Variants in TBC1D19 observed in about 807,000 individuals in gnomAD.
TBC1D19 encodes the protein TBC1 domain family, member 19.
TBC1D19 carries 60 observed loss-of-function variants against 89.0 expected under a neutral mutation model. The observed-to-expected ratio is 0.67, with a 90% CI of 0.55 to 0.84. TBC1D19 has a LOEUF of 0.84. Among genes scored for constraint, TBC1D19 ranks in the 40% least tolerant of loss-of-function variants. TBC1D19 has a pLI of 0.00. For missense variants in TBC1D19, 500 were observed against 610.8 expected (o/e 0.82, Z 1.91); for synonymous variants, 189 against 199.7 (o/e 0.95, Z 0.45).
the TBC1D19 span, among the ~76,000 whole-genome samples, chr4:26,825,170 C>G: frequency 6.6e-6 from 1 of 151,564 alleles, no homozygotes; most frequent in Non-Finnish European, 1.5e-5. Flanking sequence ...ACAGTCTTGG[C>G]TCACTACAAC....
At chr4:26,734,195 C>G (rs1717828361) in intron 15 of TBC1D19, among the ~76,000 whole-genome samples, 1 of 152,100 alleles carries the variant, frequency 6.6e-6, no homozygotes, top group African/African-American at 2.4e-5. Context: ...CAAATTAAAC[C>G]CATTCAAAAT....
chr4:26,801,966 A>G, the TBC1D19 span, among the ~76,000 whole-genome samples: 2 of 152,194 alleles, frequency 1.3e-5, no homozygotes, highest in Non-Finnish European at 2.9e-5. Flanking sequence ...GATTGGAAAT[A>G]CAGTATTATT....
intron 16 of TBC1D19, among the ~76,000 whole-genome samples, chr4:26,736,021 T>C (rs985224732): frequency 7.0e-6 from 1 of 143,806 alleles, no homozygotes; most frequent in Non-Finnish European, 1.5e-5. Flanking sequence ...AGAAATACCA[T>C]TTGACCCAGC....
chr4:26,823,139 G>A, the TBC1D19 span, among the ~76,000 whole-genome samples: 3 of 152,230 alleles, frequency 2.0e-5, no homozygotes, highest in Non-Finnish European at 4.4e-5. Flanking sequence ...GGAGGAGCAA[G>A]TCACATCTTA....
At chr4:26,632,139 T>A (rs942096303) in intron 4 of TBC1D19, among the ~76,000 whole-genome samples, 1 of 152,114 alleles carries the variant, frequency 6.6e-6, no homozygotes, top group Non-Finnish European at 1.5e-5. Flanking sequence ...CATGTTTGAA[T>A]TTTTAGTAAG....
At chr4:26,843,923 C>G in the TBC1D19 span, among the ~76,000 whole-genome samples, 1 of 152,130 alleles carries the variant, frequency 6.6e-6, no homozygotes, top group Non-Finnish European at 1.5e-5. Context: ...CACTCTCAAA[C>G]AACCAGATCT....
chr4:26,675,011 G>A (rs151162525), intron 11 of TBC1D19, among the ~76,000 whole-genome samples: 9 of 152,098 alleles, frequency 5.9e-5, no homozygotes, highest in East Asian at 5.8e-4. Context: ...AAACAATAAA[G>A]CTTGCAATTT....
At chr4:26,822,215 G>C in the TBC1D19 span, among the ~76,000 whole-genome samples, 2 of 152,198 alleles carry the variant, frequency 1.3e-5, no homozygotes, top group Admixed American at 1.3e-4. Flanking sequence ...CAAAAGCCTG[G>C]CTCTGAAGGG....
chr4:26,586,961 C>A (rs958344726), intron 1 of TBC1D19, among the ~76,000 whole-genome samples: 1 of 152,134 alleles, frequency 6.6e-6, no homozygotes, highest in African/African-American at 2.4e-5. Context: ...ACTTACTGTA[C>A]TGGATAATGC....
intron 11 of TBC1D19, among the ~76,000 whole-genome samples, chr4:26,683,159 T>C (rs1713509292): frequency 6.6e-6 from 1 of 152,218 alleles, no homozygotes; most frequent in South Asian, 2.1e-4. Flanking sequence ...ATAATTTAGA[T>C]ATTAGAAAGG....
chr4:26,584,230 G>A lies in TBC1D19; in HGVS notation c.37G>A (p.Ala13Thr). Residue 13 changes from alanine (A) to threonine (T), a missense_variant, in exon 1 of 21, where the codon GCC becomes ACC. This residue lies in a region of TBC1D19 where 280 missense variants were observed against 291.7 expected (regional missense o/e 0.96). Coordinates refer to ENST00000264866, the MANE Select transcript of TBC1D19 (RefSeq NM_018317.4). ...GGAGTCGGACCTCTCTCTCATTATT[G>A]CCCAGATAGTCCAAAAGCTCAAGGG... is the stretch of plus-strand genomic sequence containing the variant. ...QEESDLSLII[A>T]QIVQKLKGSN... The A allele has an allele frequency of 6.2e-7, 1 of 1,612,860 alleles. No homozygotes were observed. Among genetic ancestry groups the A allele is most frequent in the Non-Finnish European group, 8.5e-7 (1 of 1,179,656 alleles).
At chr4:26,816,573 T>A in the TBC1D19 span, among the ~76,000 whole-genome samples, 1 of 152,174 alleles carries the variant, frequency 6.6e-6, no homozygotes, top group Non-Finnish European at 1.5e-5. Flanking sequence ...TCAAAGTTAA[T>A]ATACCTGATA....
intron 4 of TBC1D19, among the ~76,000 whole-genome samples, chr4:26,632,871 C>T (rs894000850): frequency 6.6e-6 from 1 of 152,102 alleles, no homozygotes. Flanking sequence ...ACTTCTTCTA[C>T]GTGTTCTTCC....
chr4:26,753,627 C>T (rs1333399116), intron 19 of TBC1D19, among the ~76,000 whole-genome samples, 193 bp from the exon 20 acceptor site: 1 of 152,122 alleles, frequency 6.6e-6, no homozygotes, highest in Non-Finnish European at 1.5e-5. Context: ...TTTGTCTGGC[C>T]ATCAGGCACT....
chr4:26,762,645 AC>A, the TBC1D19 span, among the ~76,000 whole-genome samples: 1 of 152,230 alleles, frequency 6.6e-6, no homozygotes, highest in African/African-American at 2.4e-5. Context: ...ATGTTACCTT[AC>A]CGGCAAAAGG....
At chr4:26,590,299 G>T (rs994593734) in intron 1 of TBC1D19, among the ~76,000 whole-genome samples, 1 of 152,156 alleles carries the variant, frequency 6.6e-6, no homozygotes, top group Non-Finnish European at 1.5e-5. Flanking sequence ...TTGGCTGGGG[G>T]TGACATTCTT....
At chr4:26,798,074 A>C in the TBC1D19 span, among the ~76,000 whole-genome samples, 1 of 152,226 alleles carries the variant, frequency 6.6e-6, no homozygotes, top group Admixed American at 6.5e-5. Flanking sequence ...ATGCTTTTGC[A>C]TAACAAAATA....
At chr4:26,840,496 C>T in the TBC1D19 span, among the ~76,000 whole-genome samples, 1 of 152,196 alleles carries the variant, frequency 6.6e-6, no homozygotes, top group Non-Finnish European at 1.5e-5. Context: ...TTCTCTTGCC[C>T]TCTGGGCCTG....
chr4:26,798,369 C>G, the TBC1D19 span, among the ~76,000 whole-genome samples: 1 of 152,064 alleles, frequency 6.6e-6, no homozygotes, highest in East Asian at 1.9e-4. Flanking sequence ...TTACACCAGT[C>G]AGAATGGCTA....
Sources: allele counts gnomAD v4.1 joint callset (sites outside exome capture counted in the v4.1 genomes callset), GRCh38; gene constraint gnomAD v4.1.1; regional missense constraint gnomAD v4.1.1; transcripts MANE v1.5; gene names NCBI Gene and HGNC (gene_info 2026-07-23, HGNC 2026-07-21).